Variants in MORC1 observed in about 807,000 individuals in gnomAD.
MORC1 encodes MORC family CW-type zinc finger protein 1.
A neutral mutation model predicts 134.9 loss-of-function variants in MORC1; 59 were observed. That is an observed-to-expected ratio of 0.44 (90% CI 0.35 to 0.54). MORC1 has a LOEUF of 0.54. Among genes scored for constraint, MORC1 ranks in the 20% least tolerant of loss-of-function variants. The pLI is 0.00. For missense variants in MORC1, 947 were observed against 1,134.5 expected (o/e 0.83, Z 2.37); for synonymous variants, 395 against 391.7 (o/e 1.01, Z -0.10).
At chr3:109,087,134 G>A (rs1033559943) in intron 8 of MORC1, among the ~76,000 whole-genome samples, 2 of 151,210 alleles carry the variant, frequency 1.3e-5, no homozygotes, top group Admixed American at 1.3e-4. Flanking sequence ...TCCATCCTCT[G>A]CCCCCCAAAT....
chr3:108,988,569 C>A (rs1049053306), intron 21 of MORC1, among the ~76,000 whole-genome samples: 1 of 152,036 alleles, frequency 6.6e-6, no homozygotes, highest in African/African-American at 2.4e-5. Flanking sequence ...CTTTTCAGAC[C>A]AGTTTATAAG....
chr3:109,028,757 C>T (rs3804687), intron 16 of MORC1, among the ~76,000 whole-genome samples: 63,473 of 151,866 alleles, frequency 0.42, 13,891 homozygotes, highest in Middle Eastern at 0.55. Flanking sequence ...TTGTTCACTT[C>T]GGTATCAAGG....
At chr3:109,020,786 T>G (rs1416910474) in intron 17 of MORC1, among the ~76,000 whole-genome samples, 8 of 112,776 alleles carry the variant, frequency 7.1e-5, no homozygotes, top group African/African-American at 2.8e-4. Context: ...AGATTAGGTA[T>G]GAATTTTACT....
At chr3:109,046,665 C>T (rs1452164272) in intron 14 of MORC1, among the ~76,000 whole-genome samples, 8 of 152,076 alleles carry the variant, frequency 5.3e-5, no homozygotes, top group Admixed American at 5.2e-4. Context: ...ACAATGTATG[C>T]TTAATTGTCT....
At chr3:109,018,865 C>T (rs1948887620) in intron 17 of MORC1, 1 of 152,176 alleles carries the variant, frequency 6.6e-6, no homozygotes, top group East Asian at 1.9e-4. Flanking sequence ...AAACATCTAG[C>T]TTAATTCCTC....
intron 15 of MORC1, 106 bp downstream of exon 15, chr3:109,035,234 C>A (rs892134217): frequency 1.9e-6 from 2 of 1,056,072 alleles, no homozygotes; most frequent in Admixed American, 5.8e-5. Context: ...TCCTGGAAAG[C>A]AAGATGTCTT....
At chr3:109,035,974 T>TA (rs1419945089) in intron 14 of MORC1, among the ~76,000 whole-genome samples, 2 of 152,202 alleles carry the variant, frequency 1.3e-5, no homozygotes, top group African/African-American at 2.4e-5. Flanking sequence ...CCAAATTGTG[T>TA]ATTTCCTCCT....
intron 6 of MORC1, 134 bp from the exon 7 acceptor site, chr3:109,095,202 A>G: frequency 1.3e-6 from 1 of 781,102 alleles, no homozygotes; most frequent in Non-Finnish European, 2.0e-6. Flanking sequence ...TTCCTCCTAT[A>G]ATCTAGTTGT....
rs899468399 is a variant in MORC1, at chr3:109,000,725, C to G, written c.2086-67G>C. The G allele has an allele frequency of 4.4e-6, 5 of 1,134,352 alleles. No homozygotes were observed. In the African/African-American group the frequency reaches 4.6e-5, roughly 10 times the overall value. The allele number at this position is 1,134,352 out of a possible 1,614,324, so 70.3% of individuals were successfully genotyped here. A position where few individuals can be genotyped will look rare whatever the true frequency, so the allele number is the denominator to read the frequency against. ...CAATCAATGGTACATACTAAACTAC[C>G]TTCACTCTTCATTCTGCCTCTACTT... On this transcript the variant is annotated intron_variant, in intron 20 of 27. Coordinates refer to ENST00000232603, the MANE Select transcript of MORC1 (RefSeq NM_014429.4).
chr3:109,004,558 G>T (rs1331220563), intron 20 of MORC1, among the ~76,000 whole-genome samples: 1 of 152,100 alleles, frequency 6.6e-6, no homozygotes, highest in Non-Finnish European at 1.5e-5. Flanking sequence ...TAAATGTGTT[G>T]TGATTCTTTT....
intron 1 of MORC1, among the ~76,000 whole-genome samples, chr3:109,117,153 T>G (rs2107815621): frequency 6.6e-6 from 1 of 152,240 alleles, no homozygotes; most frequent in African/African-American, 2.4e-5. Flanking sequence ...AGATGAAAAC[T>G]GAGTATCTGC....
At chr3:109,039,208 G>A (rs914250414) in intron 14 of MORC1, among the ~76,000 whole-genome samples, 1 of 152,150 alleles carries the variant, frequency 6.6e-6, no homozygotes, top group Non-Finnish European at 1.5e-5. Flanking sequence ...GAGCCACCGT[G>A]CCCCGCCTGC....
At chr3:108,971,912 C>T (rs892475109) in intron 24 of MORC1, among the ~76,000 whole-genome samples, 1 of 152,130 alleles carries the variant, frequency 6.6e-6, no homozygotes, top group Admixed American at 6.5e-5. Context: ...CCATGAACAA[C>T]CAGTCCAGGA....
At chr3:108,964,727 T>C (rs2107361139) in intron 26 of MORC1, among the ~76,000 whole-genome samples, 1 of 152,326 alleles carries the variant, frequency 6.6e-6, no homozygotes, top group East Asian at 1.9e-4. Flanking sequence ...AAGAACTCTC[T>C]AGTTCACAGC....
intron 25 of MORC1, among the ~76,000 whole-genome samples, chr3:108,971,045 C>A (rs879412488): frequency 2.0e-5 from 3 of 152,144 alleles, no homozygotes; most frequent in Non-Finnish European, 4.4e-5. Context: ...ATCTAAGGAA[C>A]AGAAACTCTG....
Position 108,979,759 on chromosome 3 carries a change from A to G in MORC1, c.2325-92T>C, listed in dbSNP as rs932588040. 1.3e-5 allele frequency: 18 copies of G among 1,429,980 alleles called. No individual in the cohort carries two copies. The African/African-American group carries it at 1.6e-4, about 12-fold the overall frequency. 88.6% of individuals were successfully genotyped at this position (1,429,980 alleles called of 1,614,324 possible). A position where few individuals can be genotyped will look rare whatever the true frequency, so the allele number is the denominator to read the frequency against. ...AAAAATGAGTGAAATGTTCATATAC[A>G]ACAAATGAGAACAAGAACATGCGTG... On this transcript the variant is annotated intron_variant, in intron 23 of 27. Coordinates refer to ENST00000232603, the MANE Select transcript of MORC1 (RefSeq NM_014429.4).
At chr3:108,973,960 G>T (rs1559864002) in intron 24 of MORC1, among the ~76,000 whole-genome samples, 1 of 151,918 alleles carries the variant, frequency 6.6e-6, no homozygotes, top group South Asian at 2.1e-4. Flanking sequence ...TCTACACATA[G>T]TTTCATGTAA....
chr3:109,069,222 A>C (rs779007861), intron 9 of MORC1, among the ~76,000 whole-genome samples: 2 of 152,200 alleles, frequency 1.3e-5, no homozygotes, highest in Non-Finnish European at 2.9e-5. Context: ...ATATAAATCA[A>C]CCAGATACAT....
chr3:109,062,111 TTAAG>T (rs1455105638), intron 10 of MORC1, 53 bp from the exon 11 acceptor site: 4 of 1,512,972 alleles, frequency 2.6e-6, no homozygotes, highest in Non-Finnish European at 3.7e-6. Flanking sequence ...TCAAGCAATT[TTAAG>T]TGAGTATTTT....
Sources: allele counts gnomAD v4.1 joint callset (sites outside exome capture counted in the v4.1 genomes callset), GRCh38; gene constraint gnomAD v4.1.1; transcripts MANE v1.5; gene names NCBI Gene and HGNC (gene_info 2026-07-23, HGNC 2026-07-21).